Variants in CLSTN2 observed in about 807,000 individuals in gnomAD.
CLSTN2 encodes calsyntenin 2.
A neutral mutation model predicts 101.2 loss-of-function variants in CLSTN2; 48 were observed. The ratio of observed to expected loss-of-function variants is 0.47; its 90% CI spans 0.38 to 0.60. CLSTN2 has a LOEUF of 0.60. CLSTN2 is among the 20% of genes least tolerant of loss of function. The probability of loss-of-function intolerance (pLI) is 0.00; values close to 1 mark genes in which losing one functional copy is unlikely to be tolerated. For synonymous variants in CLSTN2, 481 were observed against 463.6 expected (o/e 1.04, Z -0.48); for missense variants, 1,160 against 1,238.2 (o/e 0.94, Z 0.95).
At chr3:140,043,682 A>G (rs2107764854) in intron 1 of CLSTN2, among the ~76,000 whole-genome samples, 1 of 152,328 alleles carries the variant, frequency 6.6e-6, no homozygotes, top group African/African-American at 2.4e-5. Flanking sequence ...TCTTTAATCC[A>G]TCTTGAATTA....
chr3:140,348,966 C>T (rs1308594780), intron 2 of CLSTN2, among the ~76,000 whole-genome samples: 1 of 152,148 alleles, frequency 6.6e-6, no homozygotes, highest in Non-Finnish European at 1.5e-5. Flanking sequence ...TGCCTGTGTC[C>T]CCACCCAAAT....
chr3:140,297,625 C>A (rs1410350484), intron 2 of CLSTN2, among the ~76,000 whole-genome samples: 2 of 152,124 alleles, frequency 1.3e-5, no homozygotes, highest in Non-Finnish European at 2.9e-5. Context: ...GTTAAAAATG[C>A]CATTCTTAGC....
chr3:140,084,094 AT>A (rs2008641406), intron 1 of CLSTN2, among the ~76,000 whole-genome samples: 1 of 152,192 alleles, frequency 6.6e-6, no homozygotes, highest in Non-Finnish European at 1.5e-5. Context: ...GATGCTGCAT[AT>A]AACCCTAGAG....
At chr3:140,222,006 A>C (rs147197078) in intron 2 of CLSTN2, among the ~76,000 whole-genome samples, 4 of 152,124 alleles carry the variant, frequency 2.6e-5, no homozygotes, top group African/African-American at 9.7e-5. Flanking sequence ...TATCAGAGAG[A>C]TGTCTGTTTT....
chr3:140,139,932 C>A (rs1383546035), intron 1 of CLSTN2, among the ~76,000 whole-genome samples: 2 of 152,180 alleles, frequency 1.3e-5, no homozygotes, highest in African/African-American at 4.8e-5. Context: ...AGATGAAGGT[C>A]ATTTCTTTGT....
At chr3:140,290,955 A>G (rs2086941041) in intron 2 of CLSTN2, among the ~76,000 whole-genome samples, 1 of 152,180 alleles carries the variant, frequency 6.6e-6, no homozygotes, top group African/African-American at 2.4e-5. Flanking sequence ...TTTCATCAGC[A>G]TACAAACAGG....
chr3:140,301,336 G>A (rs1009410646), intron 2 of CLSTN2, among the ~76,000 whole-genome samples: 9 of 152,150 alleles, frequency 5.9e-5, no homozygotes, highest in South Asian at 2.1e-4. Context: ...AATCTATTAC[G>A]TGGTAACATA....
chr3:139,949,500 T>C (rs1228671577), intron 1 of CLSTN2, among the ~76,000 whole-genome samples: 2 of 152,162 alleles, frequency 1.3e-5, no homozygotes, highest in African/African-American at 4.8e-5. Flanking sequence ...CATGAGCTGA[T>C]ACATTCAAGA....
chr3:140,145,337 A>G (rs1011893579), intron 1 of CLSTN2, among the ~76,000 whole-genome samples: 1 of 152,228 alleles, frequency 6.6e-6, no homozygotes, highest in African/African-American at 2.4e-5. Flanking sequence ...CCTGATCTGT[A>G]TAAAGAAGAA....
At chr3:140,352,233 A>C (rs1039079654) in intron 2 of CLSTN2, among the ~76,000 whole-genome samples, 1 of 152,230 alleles carries the variant, frequency 6.6e-6, no homozygotes, top group African/African-American at 2.4e-5. Context: ...ATTCTTTATC[A>C]ATCAAAGCCA....
intron 8 of CLSTN2, among the ~76,000 whole-genome samples, chr3:140,523,086 G>T (rs1284668320): frequency 1.3e-5 from 2 of 151,970 alleles, no homozygotes; most frequent in Non-Finnish European, 2.9e-5. Context: ...TCTCAGTTCA[G>T]GATTTCTACG....
intron 2 of CLSTN2, among the ~76,000 whole-genome samples, chr3:140,345,111 A>G (rs754898496): frequency 3.4e-4 from 51 of 152,070 alleles, no homozygotes; most frequent in Non-Finnish European, 6.0e-4. Context: ...TCATATCCTC[A>G]TTTGCCCTTT....
intron 1 of CLSTN2, among the ~76,000 whole-genome samples, chr3:139,944,282 C>G (rs1434833108): frequency 6.6e-6 from 1 of 152,186 alleles, no homozygotes; most frequent in Non-Finnish European, 1.5e-5. Context: ...TTCAGAGTCC[C>G]CCCTTTTATC....
In CLSTN2 at chr3:140,108,780, A is replaced by G. The variant is rs556519545; in HGVS notation, c.110-67171A>G. On this transcript the variant is annotated intron_variant, in intron 1 of 16. Transcript: ENST00000458420. Reference sequence around the variant, plus strand: ...TAAGAAGCACGCATCTAAATATGCTATGTTCCCTCTTTGGACATGGCCACT... The same window carrying G: ...TAAGAAGCACGCATCTAAATATGCTGTGTTCCCTCTTTGGACATGGCCACT... Among the ~76,000 whole-genome samples the G allele has an allele frequency of 2.0e-5, 3 of 152,308 alleles. No homozygotes were observed. The South Asian group carries it at 6.2e-4, about 32-fold the overall frequency.
rs756644458 is a variant in CLSTN2 at position 140,176,031 on chromosome 3, C to A, written c.190C>A (p.Pro64Thr). 4.3e-6 allele frequency: 7 copies of A among 1,613,722 alleles called. No homozygotes were observed. The East Asian group carries it at 6.7e-5, about 15-fold the overall frequency. The change falls in exon 2 of 17, where the codon CCA (proline) becomes ACA (threonine). Residue 64 changes from proline to threonine, a missense_variant. Pro to Thr is a conservative substitution (Grantham distance 38). Coordinates refer to ENST00000458420, the MANE Select transcript of CLSTN2 (RefSeq NM_022131.3). ...ENNDTVILDP[P>T]LVALDKDAPV... ...CAATGACACAGTCATTTTGGACCCACCACTGGTAGCCCTGGATAAAGATGC... is the reference window on the plus strand; with the variant it reads ...CAATGACACAGTCATTTTGGACCCAACACTGGTAGCCCTGGATAAAGATGC...
chr3:139,941,987 C>G (rs1935139821), intron 1 of CLSTN2, among the ~76,000 whole-genome samples: 1 of 152,034 alleles, frequency 6.6e-6, no homozygotes, highest in Non-Finnish European at 1.5e-5. Flanking sequence ...AGGTAACTTG[C>G]CCAAAGTCTC....
At chr3:140,051,111 C>G (rs2007981980) in intron 1 of CLSTN2, among the ~76,000 whole-genome samples, 1 of 152,206 alleles carries the variant, frequency 6.6e-6, no homozygotes, top group East Asian at 1.9e-4. Flanking sequence ...CTTGGGGCCT[C>G]CCTCAGCTCC....
chr3:140,477,658 G>T (rs915691961), intron 8 of CLSTN2, among the ~76,000 whole-genome samples: 11 of 152,184 alleles, frequency 7.2e-5, no homozygotes, highest in Non-Finnish European at 1.3e-4. Context: ...TACCAAAGGT[G>T]TTGGACCAAG....
chr3:140,090,768 G>A (rs895650039), intron 1 of CLSTN2, among the ~76,000 whole-genome samples: 1 of 152,132 alleles, frequency 6.6e-6, no homozygotes, highest in African/African-American at 2.4e-5. Flanking sequence ...TTTCTGAAGT[G>A]AGGAATCAAG....
Sources: allele counts gnomAD v4.1 joint callset (sites outside exome capture counted in the v4.1 genomes callset), GRCh38; gene constraint gnomAD v4.1.1; transcripts MANE v1.5; gene names NCBI Gene and HGNC (gene_info 2026-07-23, HGNC 2026-07-21).